Variants in BLTP2 observed in about 807,000 individuals in gnomAD.
The protein encoded by BLTP2 is bridge-like lipid transfer protein family member 2, also known as U937-associated antigen.
the BLTP2 span, chr17:28,640,312 G>C: frequency 2.0e-6 from 1 of 505,784 alleles, no homozygotes; most frequent in Non-Finnish European, 3.5e-6. Flanking sequence ...AGAATCGCTT[G>C]AACCTGGGAG....
chr17:28,631,840 G>A, the BLTP2 span: 1 of 1,614,076 alleles, frequency 6.2e-7, no homozygotes, highest in Non-Finnish European at 8.5e-7. Context: ...AAGCCGCTGA[G>A]TCCCCCGAGT....
chr17:28,624,027 G>C, the BLTP2 span: 1 of 1,502,264 alleles, frequency 6.7e-7, no homozygotes, highest in Non-Finnish European at 9.2e-7. Context: ...TGAGCACATT[G>C]TATCAACCAC....
chr17:28,637,159 C>T, the BLTP2 span: 2 of 1,613,994 alleles, frequency 1.2e-6, no homozygotes, highest in South Asian at 2.2e-5. Context: ...TCCAGTCGTA[C>T]CTCTGAAGCA....
At chr17:28,639,618 C>A in the BLTP2 span, 1 of 1,614,074 alleles carries the variant, frequency 6.2e-7, no homozygotes, top group Admixed American at 1.7e-5. Flanking sequence ...AATGCGTTGG[C>A]GACTCTGGGA....
the BLTP2 span, chr17:28,620,398 AAGG>A: frequency 7.9e-7 from 1 of 1,266,092 alleles, no homozygotes; most frequent in Non-Finnish European, 1.1e-6. Context: ...TACCAACCAC[AAGG>A]CCCTTTTTCA....
chr17:28,629,056 C>CA, the BLTP2 span, among the ~76,000 whole-genome samples: 2 of 151,616 alleles, frequency 1.3e-5, no homozygotes, highest in South Asian at 2.1e-4. Flanking sequence ...TATTCTTTAT[C>CA]AAAAAACGTT....
the BLTP2 span, chr17:28,642,343 A>G: frequency 1.9e-6 from 3 of 1,614,150 alleles, no homozygotes; most frequent in Non-Finnish European, 2.5e-6. Flanking sequence ...AGCCTGGGAA[A>G]GGAAAAAAAT....
At chr17:28,617,186 T>C in the BLTP2 span, 1 of 1,505,238 alleles carries the variant, frequency 6.6e-7, no homozygotes, top group Non-Finnish European at 9.2e-7. Context: ...AAATGCCCCG[T>C]GCTAAAAACA....
chr17:28,621,729 G>A, the BLTP2 span, among the ~76,000 whole-genome samples: 3 of 152,158 alleles, frequency 2.0e-5, no homozygotes, highest in Admixed American at 1.3e-4. Flanking sequence ...ACTTTGCCAG[G>A]CCCACAGGTC....
chr17:28,643,741 A>C, the BLTP2 span: 4 of 1,337,654 alleles, frequency 3.0e-6, no homozygotes, highest in South Asian at 4.7e-5. Flanking sequence ...AATGTTCTGG[A>C]TTATTAGAAT....
At chr17:28,623,836 A>G in the BLTP2 span, 1 of 1,614,208 alleles carries the variant, frequency 6.2e-7, no homozygotes. Context: ...GCCATCCAAG[A>G]GGCAAGTCCA....
At chr17:28,643,971 G>C in the BLTP2 span, 7 of 1,477,310 alleles carry the variant, frequency 4.7e-6, no homozygotes, top group Non-Finnish European at 6.4e-6. Context: ...AAGCCACCAG[G>C]ATTTCTATTT....
the BLTP2 span, chr17:28,640,643 T>C: frequency 6.8e-6 from 11 of 1,613,844 alleles, no homozygotes; most frequent in African/African-American, 4.0e-5. Context: ...GGAGAAGGAA[T>C]AGGCCAGGCA....
At chr17:28,623,752 T>C in the BLTP2 span, 1 of 1,613,246 alleles carries the variant, frequency 6.2e-7, no homozygotes, top group South Asian at 1.1e-5. Flanking sequence ...ACAAACTCAC[T>C]GACTAACCTC....
At chr17:28,644,961 C>A in the BLTP2 span, 3 of 1,557,960 alleles carry the variant, frequency 1.9e-6, no homozygotes, top group East Asian at 4.8e-5. Context: ...CCGCCGCCGC[C>A]GCCGCCGGCG....
chr17:28,628,694 G>A, the BLTP2 span: 1 of 729,278 alleles, frequency 1.4e-6, no homozygotes, highest in East Asian at 2.7e-5. Context: ...CAGCACTTTG[G>A]GAGGCCGAAG....
the BLTP2 span, chr17:28,640,728 C>A: frequency 5.6e-6 from 9 of 1,593,422 alleles, no homozygotes; most frequent in Admixed American, 1.5e-4. Flanking sequence ...ATTCTTAACA[C>A]TCCCAGTTCT....
the BLTP2 span, chr17:28,618,940 T>C: frequency 6.2e-7 from 1 of 1,614,112 alleles, no homozygotes; most frequent in African/African-American, 1.3e-5. Context: ...TCCATCTTGT[T>C]AGCCCGCTGC....
chr17:28,633,937 C>T, the BLTP2 span: 1 of 1,614,180 alleles, frequency 6.2e-7, no homozygotes, highest in Non-Finnish European at 8.5e-7. Flanking sequence ...ATGTTCCTCT[C>T]CACTGCCACG....
Sources: allele counts gnomAD v4.1 joint callset (sites outside exome capture counted in the v4.1 genomes callset), GRCh38; gene constraint gnomAD v4.1.1; transcripts MANE v1.5; gene names NCBI Gene and HGNC (gene_info 2026-07-23, HGNC 2026-07-21).